The following GPHN variants were observed in gnomAD, a reference collection of about 807,000 sequenced individuals.
The protein encoded by GPHN is gephyrin.
Under a neutral mutation model 95.5 loss-of-function variants are expected in GPHN, and 17 were observed. The ratio of observed to expected loss-of-function variants is 0.18; its 90% CI spans 0.12 to 0.27. GPHN has a LOEUF of 0.27. Ranked by LOEUF, GPHN falls within the 10% of genes least tolerant of loss-of-function variation. GPHN has a pLI of 1.00. For synonymous variants in GPHN, 320 were observed against 322.5 expected (o/e 0.99, Z 0.08); for missense variants, 660 against 978.1 (o/e 0.67, Z 4.34).
chr14:66,838,597 T>C (rs533900531), intron 4 of GPHN, among the ~76,000 whole-genome samples: 24 of 152,268 alleles, frequency 1.6e-4, no homozygotes, highest in African/African-American at 5.5e-4. Context: ...AAATATGTGC[T>C]AAGAAATTAA....
intron 10 of GPHN, among the ~76,000 whole-genome samples, chr14:67,027,578 C>T (rs1289592422): frequency 6.6e-6 from 1 of 152,200 alleles, no homozygotes; most frequent in Non-Finnish European, 1.5e-5. Flanking sequence ...GATCAGCTGC[C>T]TCAGCCTCCC....
At chr14:66,942,219 C>T (rs1259496417) in intron 8 of GPHN, among the ~76,000 whole-genome samples, 1 of 152,204 alleles carries the variant, frequency 6.6e-6, no homozygotes, top group African/African-American at 2.4e-5. Context: ...AGCAGGTTGG[C>T]CAGGCTGGTC....
the GPHN span, chr14:67,385,112 C>T: frequency 2.0e-5 from 3 of 152,012 alleles, no homozygotes; most frequent in Admixed American, 6.6e-5. Context: ...TGTAAATTGA[C>T]CCTAGCCAGA....
At chr14:67,511,775 A>G in the GPHN span, among the ~76,000 whole-genome samples, 1 of 152,226 alleles carries the variant, frequency 6.6e-6, no homozygotes, top group African/African-American at 2.4e-5. Flanking sequence ...TGTTAAAATG[A>G]GCATGAAGTA....
intron 19 of GPHN, among the ~76,000 whole-genome samples, chr14:67,164,348 ATGTCT>A (rs1370314086): frequency 1.3e-5 from 2 of 151,992 alleles, no homozygotes; most frequent in Admixed American, 6.6e-5. Context: ...TTCAAAAATA[ATGTCT>A]TGATAAGAGG....
the GPHN span, among the ~76,000 whole-genome samples, chr14:67,359,284 T>G: frequency 3.9e-5 from 6 of 152,224 alleles, no homozygotes; most frequent in African/African-American, 1.4e-4. Context: ...CAGACGAATG[T>G]CTGGCTACGT....
intron 2 of GPHN, among the ~76,000 whole-genome samples, chr14:66,754,910 A>T (rs1286460054): frequency 6.6e-6 from 1 of 152,048 alleles, no homozygotes; most frequent in Non-Finnish European, 1.5e-5. Context: ...CCTGTAAAAT[A>T]TGTTAACATT....
intron 1 of GPHN, among the ~76,000 whole-genome samples, chr14:66,561,223 C>T (rs575675694): frequency 1.9e-3 from 289 of 152,124 alleles, no homozygotes; most frequent in African/African-American, 6.8e-3. Context: ...GTGTCTCTGC[C>T]CGGCTTTGGT....
chr14:67,221,936 T>C, the GPHN span: 1 of 1,149,850 alleles, frequency 8.7e-7, no homozygotes, highest in East Asian at 2.6e-5. Flanking sequence ...ATTTCCTTTC[T>C]TCACTATGCT....
chr14:67,147,590 G>T (rs1337778528), intron 18 of GPHN, among the ~76,000 whole-genome samples: 1 of 152,134 alleles, frequency 6.6e-6, no homozygotes, highest in East Asian at 1.9e-4. Context: ...AGGGTAGAGT[G>T]CAGTACTGCC....
intron 4 of GPHN, among the ~76,000 whole-genome samples, chr14:66,870,438 A>G (rs2063387288): frequency 6.6e-6 from 1 of 152,222 alleles, no homozygotes; most frequent in Non-Finnish European, 1.5e-5. Flanking sequence ...AGAACTTTGT[A>G]AAGAATACAG....
the GPHN span, among the ~76,000 whole-genome samples, chr14:67,607,567 A>G: frequency 1.3e-5 from 2 of 152,112 alleles, no homozygotes; most frequent in East Asian, 3.9e-4. Context: ...GGGTTTCACC[A>G]TGTTGGCCAG....
Position 66,681,143 on chromosome 14 carries a change from G to T in GPHN, c.101G>T (p.Arg34Leu), listed in dbSNP as rs530173903. ...TGCTTCAGGAATCTTGCAGAAGACC[G>T]CAGTGGGATAAATCTCAAAGATCTC... The part of the protein sequence containing the change: ...DSCFRNLAED[R>L]SGINLKDLVQ... The change falls in exon 2 of 23, where the codon CGC becomes CTC. Residue 34 changes from arginine (R) to leucine (L), a missense_variant. By Grantham distance (102) the Arg-to-Leu change is moderately radical. Transcript: ENST00000478722. 3.1e-6 allele frequency: 5 copies of T among 1,599,362 alleles called. No individual in the cohort carries two copies. The highest frequency in any genetic ancestry group is 2.2e-5 in the East Asian group (1 of 44,700).
At chr14:67,165,561 T>C (rs973182603) in intron 20 of GPHN, among the ~76,000 whole-genome samples, 6 of 152,210 alleles carry the variant, frequency 3.9e-5, no homozygotes, top group African/African-American at 1.2e-4. Flanking sequence ...TTACAGGAAA[T>C]TGGTCGAAGT....
chr14:67,323,912 T>G, the GPHN span: 6 of 640,220 alleles, frequency 9.4e-6, no homozygotes, highest in South Asian at 1.2e-4. Flanking sequence ...AGCTTGAGCT[T>G]TCAAACTGAT....
chr14:67,572,185 G>C, the GPHN span: 1 of 1,608,412 alleles, frequency 6.2e-7, no homozygotes, highest in Non-Finnish European at 8.5e-7. Context: ...CATCCCCCCG[G>C]ACGCCTGCTC....
chr14:67,056,542 G>A (rs537529519), intron 10 of GPHN, among the ~76,000 whole-genome samples: 32 of 151,650 alleles, frequency 2.1e-4, no homozygotes, highest in Non-Finnish European at 3.4e-4. Context: ...GATACAGAGC[G>A]CTGATTGGTG....
chr14:67,367,508 C>T, the GPHN span, among the ~76,000 whole-genome samples: 30 of 152,228 alleles, frequency 2.0e-4, no homozygotes, highest in African/African-American at 5.8e-4. Context: ...GGATTACAGG[C>T]GTGAGCCACC....
chr14:66,732,034 C>G (rs1203151209), intron 2 of GPHN, among the ~76,000 whole-genome samples: 1 of 152,186 alleles, frequency 6.6e-6, no homozygotes, highest in African/African-American at 2.4e-5. Context: ...GAACCTCCAC[C>G]TAGATTTCAG....
Sources: gnomAD v4.1 joint callset for allele counts (sites outside exome capture counted in the v4.1 genomes callset) on GRCh38, gnomAD v4.1.1 for gene constraint, MANE v1.5 for transcripts, NCBI Gene and HGNC (gene_info 2026-07-23, HGNC 2026-07-21) for gene names.